Variants in DNAJC10 observed in about 807,000 individuals in gnomAD.
DNAJC10 encodes endoplasmic reticulum disulfide reductase DNAJC10.
Under a neutral mutation model 115.0 loss-of-function variants are expected in DNAJC10, and 101 were observed. That is an observed-to-expected ratio of 0.88 (90% CI 0.75 to 1.04). DNAJC10 has a LOEUF of 1.04. Among genes scored for constraint, DNAJC10 ranks in the 50% least tolerant of loss-of-function variants. The pLI is 0.00. For missense variants in DNAJC10, 981 were observed against 928.8 expected (o/e 1.06, Z -0.73); for synonymous variants, 307 against 301.5 (o/e 1.02, Z -0.19).
rs560512852 is a variant in DNAJC10 at position 182,785,935 on chromosome 2, T to G, written c.*8803T>G. 6.6e-6 allele frequency: 1 copy of G among 152,202 alleles called. No individual in the cohort carries two copies. Among genetic ancestry groups the G allele is most frequent in the African/African-American group, 2.4e-5 (1 of 41,530 alleles). 9.4% of individuals were successfully genotyped at this position (152,202 alleles called of 1,614,324 possible). The stretch of plus-strand genomic sequence containing the variant: ...ATAATGAAAATGTTTGGCATTTGCT[T>G]TAAAATAATCCAGTAACCAGGATCT... On this transcript the variant is annotated 3_prime_UTR_variant, in exon 24 of 24. Coordinates refer to ENST00000264065, the MANE Select transcript of DNAJC10 (RefSeq NM_018981.4).
chr2:182,790,634 A>T lies in DNAJC10; in HGVS notation c.*13502A>T, dbSNP rs1413586677. The T allele has an allele frequency of 1.3e-5, 2 of 151,856 alleles. No homozygotes were observed. Among genetic ancestry groups the T allele is most frequent in the African/African-American group, 4.8e-5 (2 of 41,308 alleles). 9.4% of individuals were successfully genotyped at this position (151,856 alleles called of 1,614,324 possible). A position where few individuals can be genotyped will look rare whatever the true frequency, so the allele number is the denominator to read the frequency against. On this transcript the variant is annotated 3_prime_UTR_variant, in exon 24 of 24. Coordinates refer to ENST00000264065, the MANE Select transcript of DNAJC10 (RefSeq NM_018981.4). ...AACGCCGTCTCTACTAAAAATACAA[A>T]AAAAAATGGCCAGGCGTGGTGGTGC...
intron 21 of DNAJC10, 85 bp downstream of exon 21, chr2:182,759,392 G>GT (rs913447079): frequency 2.9e-6 from 4 of 1,364,096 alleles, no homozygotes; most frequent in African/African-American, 3.0e-5. Flanking sequence ...TAATTTTTAG[G>GT]TTTTTTTCTT....
Position 182,719,974 on chromosome 2 carries a change from A to G in DNAJC10, c.205-33A>G, listed in dbSNP as rs1574914497. On this transcript the variant is annotated intron_variant, in intron 3 of 23. Coordinates refer to ENST00000264065, the MANE Select transcript of DNAJC10 (RefSeq NM_018981.4). ...GAAGAAACTTGGATTGTGTATCTGA[A>G]ATAATTGTATTATATCTAATATTTT... 5 of 1,269,420 alleles carry G rather than the reference A, an allele frequency of 3.9e-6. No individual in the cohort carries two copies. In the East Asian group the frequency reaches 1.2e-4, roughly 30 times the overall value. The allele number at this position is 1,269,420 out of a possible 1,614,324, so 78.6% of individuals were successfully genotyped here.
At chr2:182,759,530 A>G (rs1353083424) in intron 21 of DNAJC10, among the ~76,000 whole-genome samples, 3 of 152,166 alleles carry the variant, frequency 2.0e-5, no homozygotes, top group South Asian at 2.1e-4. Flanking sequence ...ATCATCATCT[A>G]CTAGCCATAA....
At chr2:182,738,564 G>A (rs930819491) in intron 11 of DNAJC10, among the ~76,000 whole-genome samples, 52 of 151,090 alleles carry the variant, frequency 3.4e-4, no homozygotes, top group South Asian at 4.2e-4. Context: ...TTTTTGAGAC[G>A]GAGTCTTGTT....
At chr2:182,763,120 G>T (rs1694327587) in intron 22 of DNAJC10, among the ~76,000 whole-genome samples, 1 of 152,010 alleles carries the variant, frequency 6.6e-6, no homozygotes, top group South Asian at 2.1e-4. Context: ...ACTTTTCTGT[G>T]AAAGGTTATG....
chr2:182,730,384 C>G (rs986762488), intron 8 of DNAJC10: 1 of 248,028 alleles, frequency 4.0e-6, no homozygotes, highest in African/African-American at 2.3e-5. Context: ...TCAAGATGTT[C>G]ATTTTATTCA....
At position 182,786,783 on chromosome 2, in the gene DNAJC10, G is replaced by A. The variant is rs944556134; in HGVS notation, c.*9651G>A. ...ACTATTTTTAGAGATTATTACTATG[G>A]TCCGAATGTTTATATCCCCTCCTGC... On this transcript the variant is annotated 3_prime_UTR_variant, in exon 24 of 24. Coordinates refer to ENST00000264065, the MANE Select transcript of DNAJC10 (RefSeq NM_018981.4). 3 of 152,240 alleles carry A rather than the reference G, an allele frequency of 2.0e-5. No individual in the cohort carries two copies. The highest frequency in any genetic ancestry group is 7.2e-5 in the African/African-American group (3 of 41,528). 9.4% of individuals were successfully genotyped at this position (152,240 alleles called of 1,614,324 possible).
rs1220995223 is a variant in DNAJC10, at chr2:182,783,968, A to C, written c.*6836A>C. The C allele has an allele frequency of 6.6e-6, 1 of 152,236 alleles. No homozygotes were observed. Among genetic ancestry groups the C allele is most frequent in the African/African-American group, 2.4e-5 (1 of 41,466 alleles). 9.4% of individuals were successfully genotyped at this position (152,236 alleles called of 1,614,324 possible). A position where few individuals can be genotyped will look rare whatever the true frequency, so the allele number is the denominator to read the frequency against. On this transcript the variant is annotated 3_prime_UTR_variant, in exon 24 of 24. Transcript: ENST00000264065. The stretch of plus-strand genomic sequence containing the variant: ...AATATAAATTAATCCTATCAAGTTA[A>C]TTTGTAATAAATTCAAGATGCAAAA...
intron 14 of DNAJC10, among the ~76,000 whole-genome samples, chr2:182,746,684 T>C (rs1010385281): frequency 5.9e-5 from 9 of 152,230 alleles, no homozygotes; most frequent in African/African-American, 2.2e-4. Context: ...TTAGGTTGCC[T>C]GTTCACTCTG....
intron 23 of DNAJC10, 58 bp downstream of exon 23, chr2:182,775,478 A>T: frequency 9.2e-7 from 1 of 1,087,314 alleles, no homozygotes; most frequent in Non-Finnish European, 1.4e-6. Flanking sequence ...AGCAAAATCT[A>T]TTTTTCCTAT....
chr2:182,763,690 T>C (rs908471435), intron 22 of DNAJC10, among the ~76,000 whole-genome samples: 1 of 152,118 alleles, frequency 6.6e-6, no homozygotes, highest in African/African-American at 2.4e-5. Context: ...TATTTTTCCA[T>C]GCCCCGACCT....
intron 8 of DNAJC10, chr2:182,730,556 G>A (rs1315833865): frequency 6.6e-6 from 3 of 453,460 alleles, no homozygotes; most frequent in South Asian, 1.6e-5. Flanking sequence ...CATAAGATGT[G>A]TAAAACAACC....
In DNAJC10 at chr2:182,752,695, C is replaced by T. The variant is rs996288396; in HGVS notation, c.1551+507C>T. 8 of 308,600 alleles carry T rather than the reference C, an allele frequency of 2.6e-5. 1 individual carries two copies. The Middle Eastern group carries it at 5.1e-3, about 196-fold the overall frequency. The allele number at this position is 308,600 out of a possible 1,614,324, so 19.1% of individuals were successfully genotyped here. On this transcript the variant is annotated intron_variant, in intron 16 of 23. Coordinates refer to ENST00000264065, the MANE Select transcript of DNAJC10 (RefSeq NM_018981.4). ...CGTAGAATGAAAGTACGTAATATCACGTATAAAATACTTTGGGCAAAAAAA... is the reference window on the plus strand; with the variant it reads ...CGTAGAATGAAAGTACGTAATATCATGTATAAAATACTTTGGGCAAAAAAA...
At chr2:182,736,871 T>G (rs1055638699) in intron 11 of DNAJC10, among the ~76,000 whole-genome samples, 1 of 152,172 alleles carries the variant, frequency 6.6e-6, no homozygotes, top group Admixed American at 6.5e-5. Flanking sequence ...TGCCTCAGCC[T>G]CCTGAGTACC....
intron 22 of DNAJC10, among the ~76,000 whole-genome samples, chr2:182,774,230 G>T (rs1159610131): frequency 6.6e-6 from 1 of 152,188 alleles, no homozygotes; most frequent in East Asian, 1.9e-4. Context: ...CTTTGTCCCA[G>T]AAGGGCAGCC....
At chr2:182,752,616 T>G in intron 16 of DNAJC10, 1 of 912,874 alleles carries the variant, frequency 1.1e-6, no homozygotes, top group Non-Finnish European at 1.3e-6. Flanking sequence ...ATGAAATTAT[T>G]TTCTCAGGTA....
At chr2:182,735,312 A>G (rs534625496) in intron 10 of DNAJC10, among the ~76,000 whole-genome samples, 1 of 152,028 alleles carries the variant, frequency 6.6e-6, no homozygotes, top group South Asian at 2.1e-4. Flanking sequence ...CTTTGCTGTT[A>G]TGTATTCTAA....
intron 22 of DNAJC10, among the ~76,000 whole-genome samples, chr2:182,765,560 G>C (rs756398198): frequency 2.0e-5 from 3 of 152,140 alleles, no homozygotes; most frequent in Admixed American, 6.6e-5. Flanking sequence ...ATGCGGTTGC[G>C]AGGGCTTCCA....
Sources: allele counts gnomAD v4.1 joint callset (sites outside exome capture counted in the v4.1 genomes callset), GRCh38; gene constraint gnomAD v4.1.1; transcripts MANE v1.5; gene names NCBI Gene and HGNC (gene_info 2026-07-23, HGNC 2026-07-21).